Variants in ESRRA observed in about 807,000 individuals in gnomAD.
ESRRA encodes steroid hormone receptor ERR1.
ESRRA carries 7 observed loss-of-function variants against 35.6 expected under a neutral mutation model. The observed-to-expected ratio is 0.20, with a 90% CI of 0.11 to 0.37. ESRRA has a LOEUF of 0.37. Ranked by LOEUF, ESRRA falls within the 10% of genes least tolerant of loss-of-function variation. The pLI, the probability that ESRRA is intolerant of heterozygous loss-of-function variation, is 1.00. For synonymous variants in ESRRA, 223 were observed against 246.9 expected, an observed-to-expected ratio of 0.90 and a Z score of 0.91; for missense variants, 378 against 561.7, an observed-to-expected ratio of 0.67 and a Z score of 3.31.
chr11:64,307,941 A>G (rs1473030370), intron 2 of ESRRA, among the ~76,000 whole-genome samples: 1 of 151,782 alleles, frequency 6.6e-6, no homozygotes, highest in Non-Finnish European at 1.5e-5. Context: ...TGTTCAGGCT[A>G]GAGTGCAGTG....
rs532491139 is a variant in ESRRA at position 64,306,799 on chromosome 11, C to CATCTGGAGAAAACTGGGAAGT, written c.-12-365_-12-345dup. On this transcript the variant is annotated intron_variant, in intron 1 of 6. Coordinates refer to ENST00000000442, the MANE Select transcript of ESRRA (RefSeq NM_004451.5). Reference sequence around the variant, plus strand: ...GGCAGGGTCTCAGAGGTCCCCCCAACATCTGGAGAAAACTGGGAAGTATCC... The same window carrying CATCTGGAGAAAACTGGGAAGT: ...GGCAGGGTCTCAGAGGTCCCCCCAACATCTGGAGAAAACTGGGAAGTATCTGGAGAAAACTGGGAAGTATCC... 8.1e-4 allele frequency: 146 copies of CATCTGGAGAAAACTGGGAAGT among 180,686 alleles called. 1 individual carries two copies. Among genetic ancestry groups the CATCTGGAGAAAACTGGGAAGT allele is most frequent in the African/African-American group, 3.2e-3 (136 of 42,614 alleles). The allele number at this position is 180,686 out of a possible 1,614,324, so 11.2% of individuals were successfully genotyped here. A position where few individuals can be genotyped will look rare whatever the true frequency, so the allele number is the denominator to read the frequency against.
At chr11:64,315,630 C>T (rs1360839133) in intron 6 of ESRRA, 77 bp from the exon 7 acceptor site, 4 of 1,560,632 alleles carry the variant, frequency 2.6e-6, no homozygotes, top group Non-Finnish European at 3.5e-6. Flanking sequence ...TAGGCCCCAT[C>T]CAGCAGTGCT....
rs1591245954 is a variant in ESRRA at position 64,315,029 on chromosome 11, G to A, written c.771G>A (p.Gln257=). 1 of 1,603,916 alleles carries A rather than the reference G, an allele frequency of 6.2e-7. No individual in the cohort carries two copies. The highest frequency in any genetic ancestry group is 8.5e-7 in the Non-Finnish European group (1 of 1,175,696). ...TCTCATCGCTGTCGCTGTCTGACCA[G>A]ATGTCAGTACTGCAGAGCGTGTGGA... is the stretch of plus-strand genomic sequence containing the variant. ...PGFSSLSLSD[Q]MSVLQSVWME... Residue 257 remains glutamine (Q), a synonymous_variant, in exon 6 of 7, where the codon CAG becomes CAA. Transcript: ENST00000000442.
Position 64,315,235 on chromosome 11 carries a change from A to G in ESRRA, c.977A>G (p.Tyr326Cys). The part of the protein sequence containing the change: ...LQALRLEREE[Y>C]VLLKALALAN... ...GCCCTGCGGCTGGAGCGAGAGGAGT[A>G]TGTTCTACTAAAGGCCTTGGCCCTT... The change falls in exon 6 of 7, where the codon TAT becomes TGT. Residue 326 changes from tyrosine (Y) to cysteine (C), a missense_variant. Tyr to Cys is a radical substitution (Grantham distance 194, BLOSUM62 -2). This residue lies in a region of ESRRA where 284 missense variants were observed against 411.7 expected (regional missense o/e 0.69). Transcript: ENST00000000442. 1 of 1,596,470 alleles carries G rather than the reference A, an allele frequency of 6.3e-7. No individual in the cohort carries two copies. The highest frequency in any genetic ancestry group is 8.5e-7 in the Non-Finnish European group (1 of 1,169,956).
intron 2 of ESRRA, among the ~76,000 whole-genome samples, chr11:64,311,476 C>T (rs1356467299): frequency 4.7e-5 from 7 of 150,004 alleles, no homozygotes; most frequent in Non-Finnish European, 7.4e-5. Context: ...AGTCCAGTGG[C>T]GCGATCTCGG....
chr11:64,315,661 T>C (rs1313988539), intron 6 of ESRRA, 46 bp from the exon 7 acceptor site: 1 of 1,604,268 alleles, frequency 6.2e-7, no homozygotes, highest in Non-Finnish European at 8.5e-7. Flanking sequence ...GGAGTGCCCT[T>C]GCCAGAGATA....
chr11:64,307,471 GC>G lies in ESRRA; in HGVS notation c.294del (p.Cys99AlafsTer96), dbSNP rs2035059367. 6.6e-7 allele frequency: 1 copy of G among 1,518,460 alleles called. No individual in the cohort carries two copies. The highest frequency in any genetic ancestry group is 1.4e-5 in the African/African-American group (1 of 72,094). The allele number at this position is 1,518,460 out of a possible 1,614,324, so 94.1% of individuals were successfully genotyped here. On this transcript the variant is annotated frameshift_variant, in exon 2 of 7. Coordinates refer to ENST00000000442, the MANE Select transcript of ESRRA (RefSeq NM_004451.5). LOFTEE classifies it high-confidence loss of function. ...GYHYGVASCE[A>X]CKAFFKRTIQ... The stretch of plus-strand genomic sequence containing the variant: ...CCACTATGGTGTGGCATCCTGTGAG[GC>G]CTGCAAAGCCTTCTTCAAGAGGACC...
chr11:64,307,608 A>G (rs1202778778), intron 2 of ESRRA, 104 bp downstream of exon 2: 21 of 862,908 alleles, frequency 2.4e-5, no homozygotes, highest in Non-Finnish European at 3.3e-5. Flanking sequence ...GAGGCTAACA[A>G]TCTGGTGTTT....
chr11:64,307,043 T>G (rs1286820439), intron 1 of ESRRA, 125 bp from the exon 2 acceptor site: 4 of 720,112 alleles, frequency 5.6e-6, no homozygotes. Context: ...TCTGCCCCCC[T>G]TCTTCCCCAC....
rs1361027881 is a variant in ESRRA, at chr11:64,305,785, CGG to C, written c.-13+53_-13+54del. ...GCCGCGGGGGTGGGCGGGCGGGGCG[CGG>C]GGGCCATGTGCGAGCGCGGCAGGGA... On this transcript the variant is annotated intron_variant, in intron 1 of 6. Transcript: ENST00000000442. The surrounding 1 kb of genome is among the most constrained non-coding windows in gnomAD (Gnocchi z 5.8). 1 of 150,428 alleles carries C rather than the reference CGG, an allele frequency of 6.6e-6. No homozygotes were observed. The highest frequency in any genetic ancestry group is 2.4e-5 in the African/African-American group (1 of 41,096). 9.3% of individuals were successfully genotyped at this position (150,428 alleles called of 1,614,324 possible).
chr11:64,316,348 C>T lies in ESRRA; in HGVS notation c.*382C>T, dbSNP rs967163028. ...TGCTTTTGCTGCTGCTTAATCCTACCCCCTCTTCAAAGCAGAGTGGGACTT... is the reference window on the plus strand; with the variant it reads ...TGCTTTTGCTGCTGCTTAATCCTACTCCCTCTTCAAAGCAGAGTGGGACTT... On this transcript the variant is annotated 3_prime_UTR_variant, in exon 7 of 7. Transcript: ENST00000000442. The T allele has an allele frequency of 9.2e-6, 2 of 217,934 alleles. No homozygotes were observed. The highest frequency in any genetic ancestry group is 1.9e-5 in the Non-Finnish European group (2 of 107,248). The allele number at this position is 217,934 out of a possible 1,614,324, so 13.5% of individuals were successfully genotyped here. A position where few individuals can be genotyped will look rare whatever the true frequency, so the allele number is the denominator to read the frequency against.
At chr11:64,306,031 G>A (rs2035024301) in intron 1 of ESRRA, among the ~76,000 whole-genome samples, 1 of 152,160 alleles carries the variant, frequency 6.6e-6, no homozygotes, top group Non-Finnish European at 1.5e-5. Context: ...GTTCAATCCC[G>A]CATTTGCCGA....
chr11:64,312,952 A>G (rs620645), intron 2 of ESRRA, among the ~76,000 whole-genome samples: 143,811 of 152,218 alleles, frequency 0.94, 68,435 homozygotes, highest in Middle Eastern at 1. Context: ...CTAGGAGGAC[A>G]TAGGTTCGCT....
Position 64,315,262 on chromosome 11 carries a change from C to A in ESRRA, c.1004C>A (p.Ala335Asp). ...GTTCTACTAAAGGCCTTGGCCCTTG[C>A]CAATTCAGGTGAGTCTGGGGCAGGC... ...EYVLLKALAL[A>D]NSDSVHIEDA... The change falls in exon 6 of 7, where the codon GCC becomes GAC. Residue 335 changes from alanine to aspartate, a missense_variant. Ala to Asp is a moderately radical substitution (Grantham distance 126). Transcript: ENST00000000442. The A allele has an allele frequency of 6.4e-7, 1 of 1,559,486 alleles. No homozygotes were observed. The highest frequency in any genetic ancestry group is 8.7e-7 in the Non-Finnish European group (1 of 1,149,648).
At chr11:64,310,031 G>A (rs1235334517) in intron 2 of ESRRA, among the ~76,000 whole-genome samples, 1 of 151,918 alleles carries the variant, frequency 6.6e-6, no homozygotes, top group Non-Finnish European at 1.5e-5. Flanking sequence ...CCTATAAGGT[G>A]TCAGTACTGT....
Position 64,313,200 on chromosome 11 carries a change from C to T in ESRRA, c.326-751C>T, listed in dbSNP as rs149243124. On this transcript the variant is annotated intron_variant, in intron 2 of 6. Coordinates refer to ENST00000000442, the MANE Select transcript of ESRRA (RefSeq NM_004451.5). This position sits in a 1 kb window ranked among gnomAD's most constrained non-coding sequence, Gnocchi z 4.0. ...GGAGGTAAAGCCCACCAGAATGTGT[C>T]GGTGGCTTGGATGTGGGGTGTGAGA... 1.2e-4 allele frequency among the ~76,000 whole-genome samples: 18 copies of T among 152,192 alleles called. No individual in the cohort carries two copies. In the East Asian group the frequency reaches 2.7e-3, roughly 23 times the overall value.
In ESRRA at chr11:64,316,492, C is replaced by T. The variant is rs1421495847; in HGVS notation, c.*526C>T. The stretch of plus-strand genomic sequence containing the variant: ...CCAGCCCCTGGACCCCTGGGGTGGC[C>T]AGGGCTTCCCCATCAGCTCCCAACG... On this transcript the variant is annotated 3_prime_UTR_variant, in exon 7 of 7. Coordinates refer to ENST00000000442, the MANE Select transcript of ESRRA (RefSeq NM_004451.5). 3.6e-5 allele frequency: 8 copies of T among 225,252 alleles called. No homozygotes were observed. Among genetic ancestry groups the T allele is most frequent in the Admixed American group, 2.6e-4 (5 of 19,294 alleles). The allele number at this position is 225,252 out of a possible 1,614,324, so 14.0% of individuals were successfully genotyped here.
At chr11:64,312,743 C>T (rs779709079) in intron 2 of ESRRA, among the ~76,000 whole-genome samples, 6 of 152,122 alleles carry the variant, frequency 3.9e-5, no homozygotes, top group Non-Finnish European at 7.3e-5. Flanking sequence ...GCTCAGAGGC[C>T]AGGAGGACTC....
chr11:64,312,543 C>T (rs903715615), intron 2 of ESRRA, among the ~76,000 whole-genome samples: 2 of 152,204 alleles, frequency 1.3e-5, no homozygotes, highest in South Asian at 4.1e-4. Context: ...GTCATTTGGT[C>T]GTTGCGGGGC....
Sources: gnomAD v4.1 joint callset for allele counts (sites outside exome capture counted in the v4.1 genomes callset) on GRCh38, gnomAD v4.1.1 for gene constraint, gnomAD v4.1.1 regional missense constraint, Gnocchi (gnomAD v3.1) non-coding constraint, MANE v1.5 for transcripts, NCBI Gene and HGNC (gene_info 2026-07-23, HGNC 2026-07-21) for gene names.